SRGAP3: variants seen among roughly 807,000 people sequenced by gnomAD.
The protein encoded by SRGAP3 is SLIT-ROBO Rho GTPase-activating protein 3.
In SRGAP3, 39 loss-of-function variants were observed where a neutral mutation model predicts 121.1. The ratio of observed to expected loss-of-function variants is 0.32; its 90% confidence interval spans 0.25 to 0.42. The LOEUF is 0.42. Among genes scored for constraint, SRGAP3 ranks in the 10% least tolerant of loss-of-function variants. SRGAP3 has a pLI of 1.00. For missense variants in SRGAP3, 1,213 were observed against 1,470.6 expected (o/e 0.82, Z 2.86); for synonymous variants, 601 against 570.0 (o/e 1.05, Z -0.77).
At chr3:9,340,864 C>T (rs939897485) in intron 1 of SRGAP3, among the ~76,000 whole-genome samples, 1 of 152,104 alleles carries the variant, frequency 6.6e-6, no homozygotes, top group South Asian at 2.1e-4. Flanking sequence ...AGAAAATCAC[C>T]GTGAATGAAG....
chr3:9,323,349 A>G (rs1955467260), intron 3 of SRGAP3, among the ~76,000 whole-genome samples: 1 of 151,978 alleles, frequency 6.6e-6, no homozygotes. Flanking sequence ...TAAAAGGAAG[A>G]CTTCATGTAA....
At chr3:9,285,716 A>T (rs1324027529) in intron 3 of SRGAP3, among the ~76,000 whole-genome samples, 2 of 151,576 alleles carry the variant, frequency 1.3e-5, no homozygotes, top group Non-Finnish European at 2.9e-5. Context: ...AGATTACTTG[A>T]GCCTAGGAGT....
At chr3:9,000,844 T>A (rs906751358) in intron 18 of SRGAP3, among the ~76,000 whole-genome samples, 2 of 152,042 alleles carry the variant, frequency 1.3e-5, no homozygotes, top group Non-Finnish European at 2.9e-5. Context: ...TTAGTAGAGA[T>A]TAACAGCCGG....
chr3:9,227,434 AT>A (rs1559226583), intron 1 of SRGAP3, among the ~76,000 whole-genome samples: 1 of 152,208 alleles, frequency 6.6e-6, no homozygotes, highest in Non-Finnish European at 1.5e-5. Flanking sequence ...AGCATGGGTT[AT>A]GTCATTTAAT....
intron 2 of SRGAP3, among the ~76,000 whole-genome samples, chr3:9,124,204 A>C (rs151291268): frequency 1.3e-3 from 196 of 152,296 alleles, no homozygotes; most frequent in African/African-American, 4.5e-3. Context: ...AAATAAGTAA[A>C]TAAGGCAGGG....
At chr3:9,026,323 G>C (rs948050103) in intron 13 of SRGAP3, among the ~76,000 whole-genome samples, 6 of 152,150 alleles carry the variant, frequency 3.9e-5, no homozygotes, top group Middle Eastern at 6.8e-3. Context: ...TAATTTCCTT[G>C]CCCTTTTCAT....
Position 9,261,629 on chromosome 3 carries a change from G to T in SRGAP3, n.442+64381C>A, listed in dbSNP as rs547042666. ...ATTGAAGATGAACTTAATGAAATAA[G>T]CATGAAGACAAGATTAGAGAAAAAA... On this transcript the variant is annotated intron_variant and non_coding_transcript_variant, in intron 3 of 3. Transcript: ENST00000490889. 9.2e-4 allele frequency among the ~76,000 whole-genome samples: 139 copies of T among 151,240 alleles called. 1 individual carries two copies. The highest frequency in any genetic ancestry group is 3.1e-3 in the African/African-American group (128 of 41,084).
At position 8,985,884 on chromosome 3, in the gene SRGAP3, C is replaced by G; in HGVS notation, c.2935G>C (p.Glu979Gln). Residue 979 changes from glutamate to glutamine, a missense_variant, in exon 22 of 22, where the codon GAG becomes CAG. Physicochemically the swap from Glu to Gln is conservative, Grantham distance 29 (BLOSUM62 2). Transcript: ENST00000383836. The surrounding 1 kb of genome is among the most constrained non-coding windows in gnomAD (Gnocchi z 5.1). Reference protein sequence around the residue: ...STALHELRELERQNTVKQAPD... With the variant: ...STALHELRELQRQNTVKQAPD... ...GCCTGCTTGACCGTGTTCTGCCTCT[C>G]GAGTTCCCGCAACTCGTGCAGAGCC... 1 of 1,599,914 alleles carries G rather than the reference C, an allele frequency of 6.3e-7. No individual in the cohort carries two copies. The highest frequency in any genetic ancestry group is 1.1e-5 in the South Asian group (1 of 91,072).
chr3:9,207,309 T>C (rs560753161), intron 1 of SRGAP3, among the ~76,000 whole-genome samples: 2 of 152,192 alleles, frequency 1.3e-5, no homozygotes, highest in Non-Finnish European at 2.9e-5. Context: ...GTCACACACC[T>C]AGACAGTGGC....
At chr3:9,025,713 CT>C (rs916217828) in intron 13 of SRGAP3, among the ~76,000 whole-genome samples, 4 of 152,076 alleles carry the variant, frequency 2.6e-5, no homozygotes, top group Admixed American at 6.6e-5. Context: ...AAAACTATCC[CT>C]TTTTTTTACA....
upstream of SRGAP3, among the ~76,000 whole-genome samples, chr3:9,251,755 A>G (rs1319524640): frequency 2.0e-5 from 3 of 152,230 alleles, no homozygotes; most frequent in Non-Finnish European, 4.4e-5. Flanking sequence ...ACCAAGGCCA[A>G]AGATGGTATA....
chr3:8,999,416 C>G (rs1942613548), intron 18 of SRGAP3, among the ~76,000 whole-genome samples: 1 of 152,216 alleles, frequency 6.6e-6, no homozygotes, highest in Non-Finnish European at 1.5e-5. Flanking sequence ...TTATGCTTCT[C>G]TACCCATCAA....
chr3:9,079,985 A>T (rs770119737), intron 4 of SRGAP3, 40 bp downstream of exon 4: 13 of 1,611,034 alleles, frequency 8.1e-6, no homozygotes, highest in Admixed American at 5.0e-5. Context: ...GAAGACAGAG[A>T]CCCAATCCCA....
At chr3:9,174,500 G>A (rs1951103928) in intron 1 of SRGAP3, among the ~76,000 whole-genome samples, 1 of 152,304 alleles carries the variant, frequency 6.6e-6, no homozygotes, top group East Asian at 1.9e-4. Flanking sequence ...GAGACTGCGG[G>A]CAGAATGAAG....
chr3:9,072,282 C>G (rs1325698775), intron 4 of SRGAP3, among the ~76,000 whole-genome samples: 2 of 152,240 alleles, frequency 1.3e-5, no homozygotes, highest in Non-Finnish European at 2.9e-5. Flanking sequence ...CATCTCTTCT[C>G]TGGCACCTTC....
At chr3:9,015,537 T>C in intron 15 of SRGAP3, 60 bp downstream of exon 15, 1 of 1,607,266 alleles carries the variant, frequency 6.2e-7, no homozygotes, top group Non-Finnish European at 8.5e-7. Flanking sequence ...AGTAAGCCTG[T>C]AGCTCAACTC....
At chr3:8,999,679 A>G (rs577789174) in intron 18 of SRGAP3, among the ~76,000 whole-genome samples, 8 of 152,300 alleles carry the variant, frequency 5.3e-5, no homozygotes, top group East Asian at 1.9e-4. Context: ...TGATGAGAGT[A>G]ATGACAGAAG....
intron 1 of SRGAP3, among the ~76,000 whole-genome samples, chr3:9,179,541 G>C (rs1951302080): frequency 6.6e-6 from 1 of 152,208 alleles, no homozygotes; most frequent in Non-Finnish European, 1.5e-5. Flanking sequence ...TGGATGCCTG[G>C]TGGCTATAGC....
At chr3:9,359,300 A>C (rs2030675497) in intron 1 of SRGAP3, among the ~76,000 whole-genome samples, 1 of 152,146 alleles carries the variant, frequency 6.6e-6, no homozygotes, top group South Asian at 2.1e-4. Context: ...GAGGGTCCAT[A>C]CTATCTTTAT....
Sources: allele counts gnomAD v4.1 joint callset (sites outside exome capture counted in the v4.1 genomes callset), GRCh38; gene constraint gnomAD v4.1.1; non-coding constraint Gnocchi (gnomAD v3.1); transcripts MANE v1.5; gene names NCBI Gene and HGNC (gene_info 2026-07-23, HGNC 2026-07-21).